Variants in PDIA4 observed in about 807,000 individuals in gnomAD.
The protein encoded by PDIA4 is protein disulfide-isomerase A4.
PDIA4 carries 33 observed loss-of-function variants against 62.1 expected under a neutral mutation model. The observed-to-expected ratio is 0.53, with a 90% CI of 0.40 to 0.71. The LOEUF (loss-of-function observed/expected upper bound fraction) is 0.71. Ranked by LOEUF, PDIA4 falls within the 30% of genes least tolerant of loss-of-function variation. The pLI, the probability that PDIA4 is intolerant of heterozygous loss-of-function variation, is 0.00. For missense variants in PDIA4, 804 were observed against 813.6 expected (o/e 0.99, Z 0.14); for synonymous variants, 341 against 324.1 (o/e 1.05, Z -0.56).
chr7:149,020,822 C>CTGGTGTAGA, intron 2 of PDIA4, 145 bp downstream of exon 2: 1 of 1,328,406 alleles, frequency 7.5e-7, no homozygotes, highest in East Asian at 2.5e-5. Flanking sequence ...AACGAGTGAG[C>CTGGTGTAGA]TCCCAGCGTT....
chr7:149,018,347 G>A (rs983458339), intron 3 of PDIA4, among the ~76,000 whole-genome samples: 1 of 152,182 alleles, frequency 6.6e-6, no homozygotes, highest in African/African-American at 2.4e-5. Flanking sequence ...AAGCCCTCCA[G>A]ATGACTGACG....
chr7:149,003,697 G>T lies in PDIA4; in HGVS notation c.*97C>A. On this transcript the variant is annotated 3_prime_UTR_variant, in exon 10 of 10. Transcript: ENST00000652332. Reference sequence around the variant, plus strand: ...ATTAAAAAAAAAAAAAAAGGAATCCGAGATACTGTCGTTTGTTGCCGGCCT... The same window carrying T: ...ATTAAAAAAAAAAAAAAAGGAATCCTAGATACTGTCGTTTGTTGCCGGCCT... 5 of 739,000 alleles carry T rather than the reference G, an allele frequency of 6.8e-6. No homozygotes were observed. The highest frequency in any genetic ancestry group is 8.2e-6 in the Non-Finnish European group (4 of 485,644). 45.8% of individuals were successfully genotyped at this position (739,000 alleles called of 1,614,324 possible).
At chr7:149,027,693 A>G (rs760510228) in intron 1 of PDIA4, among the ~76,000 whole-genome samples, 1 of 149,358 alleles carries the variant, frequency 6.7e-6, no homozygotes, top group Admixed American at 6.7e-5. Flanking sequence ...GGCAGGGACC[A>G]CACTCACAAT....
intron 1 of PDIA4, among the ~76,000 whole-genome samples, chr7:149,027,311 A>C (rs1824591548): frequency 6.6e-6 from 1 of 152,154 alleles, no homozygotes; most frequent in Non-Finnish European, 1.5e-5. Flanking sequence ...TTTCTCGCCG[A>C]GTGTGGGTTT....
chr7:149,016,858 G>C (rs1048730904), intron 3 of PDIA4, among the ~76,000 whole-genome samples: 2 of 152,170 alleles, frequency 1.3e-5, no homozygotes, highest in Non-Finnish European at 2.9e-5. Context: ...GTTCAGGGAA[G>C]AAAGACTATT....
At chr7:149,014,466 G>A (rs1473582116) in intron 4 of PDIA4, among the ~76,000 whole-genome samples, 2 of 152,096 alleles carry the variant, frequency 1.3e-5, no homozygotes, top group Non-Finnish European at 2.9e-5. Context: ...CCTGAAGCCA[G>A]GCTCCCCTCT....
chr7:149,013,423 T>C (rs906851770), intron 4 of PDIA4, among the ~76,000 whole-genome samples: 1 of 152,154 alleles, frequency 6.6e-6, no homozygotes, highest in African/African-American at 2.4e-5. Context: ...ATTCCTGTAA[T>C]ATCAGTGCTT....
chr7:149,021,095 T>A lies in PDIA4; in HGVS notation c.141A>T (p.Glu47Asp), dbSNP rs1418641373. ...AGTCGTCTTCTTCCTCATCATCATC[T>A]TCCTCCTCCTCCTCCTCTTCATCCT... ...AIEDEEEEEE[E>D]DDDEEEDDLE... Residue 47 changes from glutamate to aspartate, a missense_variant, in exon 2 of 10, where the codon GAA (glutamate) becomes GAT (aspartate). Glu to Asp is a conservative substitution (Grantham distance 45, BLOSUM62 2). Coordinates refer to ENST00000652332, the MANE Select transcript of PDIA4 (RefSeq NM_004911.5). 1.3e-5 allele frequency: 21 copies of A among 1,609,418 alleles called. No homozygotes were observed. In the South Asian group the frequency reaches 2.2e-4, roughly 17 times the overall value.
intron 3 of PDIA4, among the ~76,000 whole-genome samples, chr7:149,016,685 A>C (rs113140244): frequency 1.3e-5 from 2 of 151,982 alleles, no homozygotes; most frequent in African/African-American, 4.8e-5. Context: ...CTAATTTTTT[A>C]TATTTTTAGT....
chr7:149,028,332 C>A lies in PDIA4; in HGVS notation c.77G>T (p.Gly26Val). The change falls in exon 1 of 10, where the codon GGC becomes GTC. Residue 26 changes from glycine to valine, a missense_variant. Transcript: ENST00000652332. ...VQLLAVAGAE[G>V]PDEDSSNREN... The stretch of plus-strand genomic sequence containing the variant: ...CGCTTGCCGCTCACCCTCGTCCGGG[C>A]CCTCGGCACCCGCCACGGCCAGCAG... 6.6e-7 allele frequency: 1 copy of A among 1,522,116 alleles called. No homozygotes were observed. The highest frequency in any genetic ancestry group is 2.0e-5 in the Admixed American group (1 of 49,526). 94.3% of individuals were successfully genotyped at this position (1,522,116 alleles called of 1,614,324 possible). A position where few individuals can be genotyped will look rare whatever the true frequency, so the allele number is the denominator to read the frequency against.
In PDIA4 at chr7:149,012,270, G is replaced by A. The variant is rs773254296; in HGVS notation, c.705C>T (p.Val235=). 20 of 1,614,080 alleles carry A rather than the reference G, an allele frequency of 1.2e-5. No individual in the cohort carries two copies. In the Admixed American group the frequency reaches 1.7e-4, roughly 13 times the overall value. The change falls in exon 5 of 10, where the codon GTC becomes GTT. Residue 235 remains valine (V), a synonymous_variant. Transcript: ENST00000652332. ...CCAGGTCTGTTTCTGCGGTGGCGTC[G>A]ACCTTTGCCAGGGGAATTGGAGGAG... ...KRSPPIPLAK[V]DATAETDLAK... is the part of the protein sequence containing the mutation.
chr7:149,010,548 A>C (rs1823909350), intron 6 of PDIA4, among the ~76,000 whole-genome samples: 1 of 152,200 alleles, frequency 6.6e-6, no homozygotes, highest in African/African-American at 2.4e-5. Context: ...TTAAGCCTCC[A>C]GGTGTCCTGG....
chr7:149,026,800 G>GAAAA (rs71529658), intron 1 of PDIA4, among the ~76,000 whole-genome samples: 1 of 125,466 alleles, frequency 8.0e-6, no homozygotes. Context: ...CCTTATCTAG[G>GAAAA]AAAAAAAAAA....
intron 1 of PDIA4, among the ~76,000 whole-genome samples, chr7:149,022,558 T>C (rs1400788913): frequency 1.3e-5 from 2 of 152,172 alleles, no homozygotes; most frequent in African/African-American, 2.4e-5. Flanking sequence ...GGGCCAATTA[T>C]TCTTTTCTGG....
At position 149,005,389 on chromosome 7, in the gene PDIA4, G is replaced by A. The variant is rs961324508; in HGVS notation, c.1289-15C>T. ...AAACTGAGTTGCTGAAAGGGACCAA[G>A]GGCCATAAGCCAGGCGGCCACACAG... On this transcript the variant is annotated splice_polypyrimidine_tract_variant and intron_variant, in intron 8 of 9. Coordinates refer to ENST00000652332, the MANE Select transcript of PDIA4 (RefSeq NM_004911.5). The A allele has an allele frequency of 2.5e-6, 4 of 1,583,358 alleles. No homozygotes were observed. In the African/African-American group the frequency reaches 4.0e-5, roughly 16 times the overall value.
intron 4 of PDIA4, 22 bp downstream of exon 4, chr7:149,014,882 A>G (rs2129504848): frequency 1.2e-6 from 2 of 1,612,752 alleles, no homozygotes; most frequent in Non-Finnish European, 1.7e-6. Context: ...CTGAATATGG[A>G]AAGGGCCTGA....
chr7:149,023,656 A>T (rs1401767742), intron 1 of PDIA4, among the ~76,000 whole-genome samples: 1 of 152,062 alleles, frequency 6.6e-6, no homozygotes, highest in Admixed American at 6.5e-5. Flanking sequence ...TGCACTGGGG[A>T]ACTTAATCAA....
chr7:149,003,689 A>T lies in PDIA4; in HGVS notation c.*105T>A. 3 of 709,680 alleles carry T rather than the reference A, an allele frequency of 4.2e-6. No individual in the cohort carries two copies. Among genetic ancestry groups the T allele is most frequent in the Non-Finnish European group, 6.4e-6 (3 of 471,178 alleles). 44.0% of individuals were successfully genotyped at this position (709,680 alleles called of 1,614,324 possible). A position where few individuals can be genotyped will look rare whatever the true frequency, so the allele number is the denominator to read the frequency against. ...TATAAAAAATTAAAAAAAAAAAAAA[A>T]GGAATCCGAGATACTGTCGTTTGTT... On this transcript the variant is annotated 3_prime_UTR_variant, in exon 10 of 10. Transcript: ENST00000652332.
chr7:149,017,521 T>C (rs990486567), intron 3 of PDIA4, among the ~76,000 whole-genome samples: 7 of 151,880 alleles, frequency 4.6e-5, no homozygotes, highest in Admixed American at 2.0e-4. Context: ...GAGGTGGAGG[T>C]TGCGGTGAGC....
Sources: allele counts gnomAD v4.1 joint callset (sites outside exome capture counted in the v4.1 genomes callset), GRCh38; gene constraint gnomAD v4.1.1; transcripts MANE v1.5; gene names NCBI Gene and HGNC (gene_info 2026-07-23, HGNC 2026-07-21).